Variants in SLC38A1 observed in about 807,000 individuals in gnomAD.
The protein encoded by SLC38A1 is solute carrier family 38 member 1, also known as sodium-coupled neutral amino acid symporter 1.
A neutral mutation model predicts 60.3 loss-of-function variants in SLC38A1; 18 were observed. That is an observed-to-expected ratio of 0.30 (90% confidence interval 0.21 to 0.44). The LOEUF (loss-of-function observed/expected upper bound fraction) is 0.44. SLC38A1 is among the 20% of genes least tolerant of loss of function. The pLI, the probability that SLC38A1 is intolerant of heterozygous loss-of-function variation, is 1.00. For missense variants in SLC38A1, 448 were observed against 587.2 expected (o/e 0.76, Z 2.45); for synonymous variants, 196 against 212.1 (o/e 0.92, Z 0.66).
In SLC38A1 at chr12:46,186,187, C is replaced by T. The variant is rs900604134; in HGVS notation, c.*2783G>A. 1.3e-5 allele frequency: 2 copies of T among 152,130 alleles called. No homozygotes were observed. The highest frequency in any genetic ancestry group is 3.8e-4 in the East Asian group (2 of 5,202). The allele number at this position is 152,130 out of a possible 1,614,324, so 9.4% of individuals were successfully genotyped here. A position where few individuals can be genotyped will look rare whatever the true frequency, so the allele number is the denominator to read the frequency against. ...ATGATCTCCTTATACACTGGGGCTG[C>T]CTGTGCCTAAACACAGTAGATTTCC... On this transcript the variant is annotated 3_prime_UTR_variant, in exon 17 of 17. Transcript: ENST00000398637.
At chr12:46,267,483 T>C (rs920193746) in intron 1 of SLC38A1, 2 of 152,348 alleles carry the variant, frequency 1.3e-5, no homozygotes, top group African/African-American at 4.8e-5. Context: ...CCATATGCAC[T>C]TGTGCCTTCT....
In SLC38A1 at chr12:46,257,789, C is replaced by G. The variant is rs140206185; in HGVS notation, c.-209+10737G>C. Among the ~76,000 whole-genome samples the G allele has an allele frequency of 3.8e-4, 58 of 152,294 alleles. 1 individual carries two copies. The East Asian group carries it at 9.3e-3, about 24-fold the overall frequency. The stretch of plus-strand genomic sequence containing the variant: ...AGATGTTACAAGACCCCAACACTTA[C>G]TGCGGGTTTCTGCACTATAGCCCCT... On this transcript the variant is annotated intron_variant, in intron 1 of 16. Coordinates refer to ENST00000398637, the MANE Select transcript of SLC38A1 (RefSeq NM_030674.4).
rs571995473 is a variant in SLC38A1 at position 46,193,090 on chromosome 12, C to T, written c.1363-4019G>A. ...ATTTAGTGCTATAAATTTCCCTGTACACACTGCTTTAAATGTGTCCCAGAG... is the reference window on the plus strand; with the variant it reads ...ATTTAGTGCTATAAATTTCCCTGTATACACTGCTTTAAATGTGTCCCAGAG... On this transcript the variant is annotated intron_variant, in intron 16 of 16. Transcript: ENST00000398637. 2.0e-3 allele frequency among the ~76,000 whole-genome samples: 310 copies of T among 152,282 alleles called. 2 individuals are homozygous for T. Among genetic ancestry groups the T allele is most frequent in the Non-Finnish European group, 2.9e-3 (196 of 68,034 alleles).
intron 5 of SLC38A1, among the ~76,000 whole-genome samples, chr12:46,223,920 C>A (rs979041602): frequency 6.6e-6 from 1 of 152,166 alleles, no homozygotes; most frequent in Non-Finnish European, 1.5e-5. Flanking sequence ...ATCATACTTA[C>A]CTAGTACTAT....
chr12:46,223,787 G>A (rs1220048950), intron 5 of SLC38A1, among the ~76,000 whole-genome samples: 2 of 151,990 alleles, frequency 1.3e-5, no homozygotes, highest in Non-Finnish European at 2.9e-5. Flanking sequence ...TTCTACTTTT[G>A]TTTTTCATGG....
At chr12:46,265,410 G>A (rs1942321768) in intron 1 of SLC38A1, among the ~76,000 whole-genome samples, 1 of 152,222 alleles carries the variant, frequency 6.6e-6, no homozygotes, top group Admixed American at 6.5e-5. Flanking sequence ...TCTCCCAAGA[G>A]GTGGAAAAGT....
intron 16 of SLC38A1, among the ~76,000 whole-genome samples, chr12:46,194,902 T>C (rs549368299): frequency 6.6e-6 from 1 of 152,178 alleles, no homozygotes; most frequent in Non-Finnish European, 1.5e-5. Flanking sequence ...TCAGAGAAGT[T>C]TGTTATTACC....
chr12:46,205,940 G>A (rs143657625), intron 9 of SLC38A1, 140 bp downstream of exon 9: 43 of 531,264 alleles, frequency 8.1e-5, no homozygotes, highest in East Asian at 6.8e-4. Flanking sequence ...AGTTGGGACC[G>A]ATTAATACTT....
chr12:46,235,739 A>C (rs898535748), intron 3 of SLC38A1, among the ~76,000 whole-genome samples: 1 of 152,234 alleles, frequency 6.6e-6, no homozygotes, highest in African/African-American at 2.4e-5. Flanking sequence ...TATAAAGACA[A>C]GTGGGTTCAG....
intron 13 of SLC38A1, 149 bp downstream of exon 13, chr12:46,200,946 TCAC>T: frequency 1.6e-6 from 1 of 613,468 alleles, no homozygotes. Context: ...CATGAAAAGA[TCAC>T]CATTGCTTTA....
At chr12:46,228,887 G>T (rs1037171629) in intron 5 of SLC38A1, among the ~76,000 whole-genome samples, 18 of 152,082 alleles carry the variant, frequency 1.2e-4, no homozygotes, top group African/African-American at 4.3e-4. Flanking sequence ...ACCAAAAAAA[G>T]TTATTTTCAA....
chr12:46,202,922 A>G, intron 12 of SLC38A1, 88 bp downstream of exon 12: 1 of 941,452 alleles, frequency 1.1e-6, no homozygotes, highest in Non-Finnish European at 1.7e-6. Flanking sequence ...GACGTTCATT[A>G]GACAAGTCCG....
intron 5 of SLC38A1, among the ~76,000 whole-genome samples, chr12:46,211,171 A>G (rs562726454): frequency 1.3e-5 from 2 of 152,198 alleles, no homozygotes; most frequent in Non-Finnish European, 2.9e-5. Context: ...AGCCACTTCT[A>G]CACGAACATG....
chr12:46,204,590 C>G lies in SLC38A1; in HGVS notation c.647G>C (p.Gly216Ala). 1 of 1,583,682 alleles carries G rather than the reference C, an allele frequency of 6.3e-7. No individual in the cohort carries two copies. Among genetic ancestry groups the G allele is most frequent in the Non-Finnish European group, 8.5e-7 (1 of 1,169,594 alleles). Residue 216 changes from glycine (G) to alanine (A), a missense_variant and splice_region_variant, in exon 10 of 17, where the codon GGG becomes GCG. Gly to Ala is a moderately conservative substitution (Grantham distance 60). Coordinates refer to ENST00000398637, the MANE Select transcript of SLC38A1 (RefSeq NM_030674.4). ...ILPLCLLKNL[G>A]YLGYTSGFSL... ...AAATCCACTAGTATAGCCAAGATAC[C>G]CTTTAAAAAAAAGTAAAAAATAAAT...
At chr12:46,192,523 T>C (rs368108116) in intron 16 of SLC38A1, among the ~76,000 whole-genome samples, 43 of 152,332 alleles carry the variant, frequency 2.8e-4, no homozygotes, top group Non-Finnish European at 5.6e-4. Flanking sequence ...CTCCTCTTTG[T>C]ACCTCTGGTA....
intron 2 of SLC38A1, among the ~76,000 whole-genome samples, chr12:46,241,151 T>C (rs575636783): frequency 6.6e-6 from 1 of 151,932 alleles, no homozygotes; most frequent in African/African-American, 2.4e-5. Context: ...AATGAGCTGG[T>C]TTTTTTTAAA....
chr12:46,264,869 T>C (rs977242310), intron 1 of SLC38A1, among the ~76,000 whole-genome samples: 6 of 152,244 alleles, frequency 3.9e-5, no homozygotes, highest in Admixed American at 3.9e-4. Flanking sequence ...TTCTTCAAAG[T>C]ACTTCTGTGC....
In SLC38A1 at chr12:46,204,413, A is replaced by G; in HGVS notation, c.710T>C (p.Ile237Thr). ...GCAGGGAATTTGAAATTTCTTGTAA[A>G]TAACCTGGTATTAAGAAGTATAGTA... ...SCMVFFLIVV[I>T]YKKFQIPCIV... The change falls in exon 11 of 17, where the codon ATT (isoleucine) becomes ACT (threonine). Residue 237 changes from isoleucine to threonine, a missense_variant. Around this residue, in one of 2 missense-constraint regions of SLC38A1, gnomAD observed 346 missense variants for 497.5 expected, o/e 0.70. Transcript: ENST00000398637. 1 of 1,607,502 alleles carries G rather than the reference A, an allele frequency of 6.2e-7. No homozygotes were observed. The highest frequency in any genetic ancestry group is 8.5e-7 in the Non-Finnish European group (1 of 1,174,164).
At chr12:46,190,815 G>A (rs965290624) in intron 16 of SLC38A1, among the ~76,000 whole-genome samples, 1 of 152,126 alleles carries the variant, frequency 6.6e-6, no homozygotes, top group African/African-American at 2.4e-5. Context: ...TGAGTTCTTA[G>A]TAGATTCTGG....
Sources: gnomAD v4.1 joint callset for allele counts (sites outside exome capture counted in the v4.1 genomes callset) on GRCh38, gnomAD v4.1.1 for gene constraint, gnomAD v4.1.1 regional missense constraint, MANE v1.5 for transcripts, NCBI Gene and HGNC (gene_info 2026-07-23, HGNC 2026-07-21) for gene names.